Variants in CPQ observed in about 807,000 individuals in gnomAD.
The protein encoded by CPQ is Ser-Met dipeptidase.
In CPQ, 37 loss-of-function variants were observed where a neutral mutation model predicts 45.7. That is an observed-to-expected ratio of 0.81 (90% CI 0.62 to 1.07). The LOEUF (loss-of-function observed/expected upper bound fraction) is 1.07. Ranked by LOEUF, CPQ falls within the 50% of genes least tolerant of loss-of-function variation. The pLI is 0.00. For missense variants in CPQ, 537 were observed against 572.9 expected (o/e 0.94, Z 0.64); for synonymous variants, 186 against 205.8 (o/e 0.90, Z 0.82).
At chr8:96,661,661 G>T (rs1441712906) in intron 1 of CPQ, among the ~76,000 whole-genome samples, 11 of 152,112 alleles carry the variant, frequency 7.2e-5, no homozygotes, top group African/African-American at 2.4e-4. Context: ...TTGTCTGGGT[G>T]TGCTACAGTT....
intron 4 of CPQ, among the ~76,000 whole-genome samples, chr8:96,947,376 C>G (rs1368720670): frequency 2.0e-5 from 3 of 152,116 alleles, no homozygotes; most frequent in African/African-American, 7.2e-5. Flanking sequence ...GCCTAAATGA[C>G]ACATTTTTCA....
At chr8:96,669,964 A>G (rs1045412705) in intron 1 of CPQ, among the ~76,000 whole-genome samples, 2 of 152,166 alleles carry the variant, frequency 1.3e-5, no homozygotes, top group African/African-American at 4.8e-5. Flanking sequence ...ATTTTATTTT[A>G]TGTGTTCTGT....
At chr8:97,115,442 A>C (rs1811568544) in intron 7 of CPQ, among the ~76,000 whole-genome samples, 2 of 152,322 alleles carry the variant, frequency 1.3e-5, no homozygotes, top group South Asian at 4.1e-4. Flanking sequence ...GGATCAGAAG[A>C]ATACCCCAGA....
At chr8:96,954,735 A>G (rs576077801) in intron 4 of CPQ, among the ~76,000 whole-genome samples, 42 of 152,122 alleles carry the variant, frequency 2.8e-4, no homozygotes, top group South Asian at 1.0e-3. Flanking sequence ...TCCTAATGCT[A>G]TCCCTCCCCA....
At position 96,952,341 on chromosome 8, in the gene CPQ, C is replaced by T. The variant is rs2853283; in HGVS notation, c.850-13594C>T. Among the ~76,000 whole-genome samples, 225 of 151,646 alleles carry T rather than the reference C, an allele frequency of 1.5e-3. 4 individuals are homozygous for T. In the East Asian group the frequency reaches 0.039, roughly 27 times the overall value. On this transcript the variant is annotated intron_variant, in intron 4 of 7. Transcript: ENST00000220763. ...CTCTGTGGAAAAGTAGAATGTTGGC[C>T]ACAATCTCCTAAAGTCATTCTAGCT...
chr8:96,679,141 G>GCC (rs1809115049), intron 1 of CPQ, among the ~76,000 whole-genome samples: 1 of 151,934 alleles, frequency 6.6e-6, no homozygotes, highest in Non-Finnish European at 1.5e-5. Context: ...CCCATTTGTT[G>GCC]AAGAACTGAA....
chr8:97,023,061 AGAAACTG>A (rs1809736301), intron 5 of CPQ, among the ~76,000 whole-genome samples: 6 of 139,288 alleles, frequency 4.3e-5, no homozygotes, highest in South Asian at 2.1e-4. Context: ...CTGTATATAT[AGAAACTG>A]TAGTGTATAT....
intron 1 of CPQ, among the ~76,000 whole-genome samples, chr8:96,698,813 C>T (rs1809419999): frequency 6.6e-6 from 1 of 151,998 alleles, no homozygotes; most frequent in Non-Finnish European, 1.5e-5. Context: ...TGGCTTTTAT[C>T]CAAATGACAG....
At chr8:96,919,871 G>A (rs951188273) in intron 4 of CPQ, among the ~76,000 whole-genome samples, 1 of 152,120 alleles carries the variant, frequency 6.6e-6, no homozygotes, top group African/African-American at 2.4e-5. Context: ...GGCCACATGA[G>A]GTAACAAATG....
intron 1 of CPQ, among the ~76,000 whole-genome samples, chr8:96,758,093 G>A (rs1468242512): frequency 6.6e-6 from 1 of 152,142 alleles, no homozygotes; most frequent in Non-Finnish European, 1.5e-5. Context: ...TTTGAATAGT[G>A]TAAAACATTA....
intron 5 of CPQ, among the ~76,000 whole-genome samples, chr8:97,005,781 GA>G (rs1438450494): frequency 6.6e-6 from 1 of 152,132 alleles, no homozygotes; most frequent in Non-Finnish European, 1.5e-5. Flanking sequence ...TTAATGCAGT[GA>G]AATCTGACTA....
intron 1 of CPQ, among the ~76,000 whole-genome samples, chr8:96,676,191 A>G (rs1809074478): frequency 6.6e-6 from 1 of 151,980 alleles, no homozygotes; most frequent in South Asian, 2.1e-4. Flanking sequence ...TCACCTTACT[A>G]TGCTGTCCAA....
At chr8:96,925,301 T>G (rs757729521) in intron 4 of CPQ, among the ~76,000 whole-genome samples, 1 of 152,140 alleles carries the variant, frequency 6.6e-6, no homozygotes, top group Non-Finnish European at 1.5e-5. Context: ...GTTGGGGAGC[T>G]GTAAAAAATC....
chr8:96,965,567 C>T (rs932891266), intron 4 of CPQ, among the ~76,000 whole-genome samples: 3 of 152,042 alleles, frequency 2.0e-5, no homozygotes, highest in African/African-American at 7.2e-5. Context: ...GACAGGGTTT[C>T]ACCGTGTTAA....
chr8:96,684,488 G>A (rs56240051), intron 1 of CPQ, among the ~76,000 whole-genome samples: 39,778 of 152,050 alleles, frequency 0.26, 6,410 homozygotes, highest in Non-Finnish European at 0.36. Context: ...TGGCAGGTAC[G>A]GTTAGGACTG....
chr8:97,119,669 G>A (rs1361493142), intron 7 of CPQ, among the ~76,000 whole-genome samples: 1 of 152,094 alleles, frequency 6.6e-6, no homozygotes, highest in African/African-American at 2.4e-5. Flanking sequence ...ACCTCAGTGG[G>A]GGATTACTTA....
chr8:96,964,173 TACACACACACACACACACACAC>T (rs71267285), intron 4 of CPQ, among the ~76,000 whole-genome samples: 5 of 133,456 alleles, frequency 3.7e-5, no homozygotes, highest in South Asian at 5.0e-4. Flanking sequence ...GGTTAAAGTA[TACACACACACACACACACACAC>T]ACACACACAC....
intron 1 of CPQ, among the ~76,000 whole-genome samples, 200 bp from the exon 2 acceptor site, chr8:96,784,664 A>T (rs1810736414): frequency 6.6e-6 from 1 of 152,098 alleles, no homozygotes; most frequent in South Asian, 2.1e-4. Context: ...GTAACACGTG[A>T]TTCTACAGTT....
At chr8:96,882,346 G>C (rs1047947667) in intron 4 of CPQ, among the ~76,000 whole-genome samples, 2 of 152,228 alleles carry the variant, frequency 1.3e-5, no homozygotes, top group African/African-American at 4.8e-5. Context: ...GATAACAACA[G>C]AAGAGCCAAG....
Sources: gnomAD v4.1 joint callset for allele counts (sites outside exome capture counted in the v4.1 genomes callset) on GRCh38, gnomAD v4.1.1 for gene constraint, MANE v1.5 for transcripts, NCBI Gene and HGNC (gene_info 2026-07-23, HGNC 2026-07-21) for gene names.